SH3KBP1: variants seen among roughly 807,000 people sequenced by gnomAD.
SH3KBP1 encodes SH3 domain-containing kinase-binding protein 1.
A neutral mutation model predicts 50.1 loss-of-function variants in SH3KBP1; 8 were observed. The observed-to-expected ratio is 0.16, with a 90% confidence interval of 0.09 to 0.29. The LOEUF is 0.29. Among genes scored for constraint, SH3KBP1 ranks in the 10% least tolerant of loss-of-function variants. SH3KBP1 has a pLI of 1.00. For missense variants in SH3KBP1, 377 were observed against 535.2 expected (o/e 0.70, Z 2.92); for synonymous variants, 227 against 218.6 (o/e 1.04, Z -0.34).
rs766524428 is a variant in SH3KBP1, at chrX:19,801,779, C to G, written c.162+34346G>C. 2.7e-5 allele frequency among the ~76,000 whole-genome samples: 3 copies of G among 112,146 alleles called. No individual in the cohort carries two copies. In the South Asian group the frequency reaches 1.1e-3, roughly 41 times the overall value. The stretch of plus-strand genomic sequence containing the variant: ...TGTAAATTAGACCTCAAAGCTGTTT[C>G]TAAAACCTTGCCTGGGCCAGGTGCA... On this transcript the variant is annotated intron_variant, in intron 2 of 17. Coordinates refer to ENST00000397821, the MANE Select transcript of SH3KBP1 (RefSeq NM_031892.3).
intron 12 of SH3KBP1, among the ~76,000 whole-genome samples, chrX:19,576,753 C>T (rs142629873): frequency 0.015 from 1,654 of 112,135 alleles, 33 homozygotes; most frequent in African/African-American, 0.05. Context: ...TCACAACCAC[C>T]CCTTGAGGTA....
chrX:19,613,520 T>C (rs2067497788), intron 8 of SH3KBP1, among the ~76,000 whole-genome samples: 1 of 112,588 alleles, frequency 8.9e-6, no homozygotes, highest in African/African-American at 3.2e-5. Flanking sequence ...TTCTGACATA[T>C]CATTTTTACT....
chrX:19,611,197 A>C (rs1569339306), intron 8 of SH3KBP1, among the ~76,000 whole-genome samples: 1 of 111,069 alleles, frequency 9.0e-6, no homozygotes, highest in African/African-American at 3.3e-5. Context: ...CAAACTTTCT[A>C]AACAGTGTAA....
intron 1 of SH3KBP1, among the ~76,000 whole-genome samples, chrX:19,875,356 G>A (rs900201779): frequency 1.8e-5 from 2 of 112,052 alleles, no homozygotes. Flanking sequence ...CTTCCTCAGG[G>A]AGCCTCATAG....
At chrX:19,770,224 C>G (rs939844515) in intron 2 of SH3KBP1, among the ~76,000 whole-genome samples, 18 of 111,312 alleles carry the variant, frequency 1.6e-4, no homozygotes, top group Non-Finnish European at 9.4e-5. Context: ...AGTAGGCCCC[C>G]ATGTCTGTTC....
intron 1 of SH3KBP1, among the ~76,000 whole-genome samples, chrX:19,868,571 C>T (rs372474861): frequency 9.4e-6 from 1 of 106,933 alleles, no homozygotes; most frequent in African/African-American, 3.4e-5. Context: ...TACCCATTAT[C>T]CCCTTCCTCT....
At chrX:19,860,120 C>T in intron 1 of SH3KBP1, among the ~76,000 whole-genome samples, 1 of 109,512 alleles carries the variant, frequency 9.1e-6, no homozygotes, top group East Asian at 2.9e-4. Context: ...TAAAAAGGAA[C>T]AGGCCAGGCA....
chrX:19,600,586 T>C (rs1208746596), intron 9 of SH3KBP1, among the ~76,000 whole-genome samples: 1 of 111,278 alleles, frequency 9.0e-6, no homozygotes, highest in Non-Finnish European at 1.9e-5. Context: ...CCATTGTGAC[T>C]GGATAAAGAA....
rs1330617716 is a variant in SH3KBP1 at position 19,836,193 on chromosome X, C to G, written c.94G>C (p.Glu32Gln). 8.3e-7 allele frequency: 1 copy of G among 1,211,006 alleles called. No individual in the cohort carries two copies. The highest frequency in any genetic ancestry group is 2.2e-5 in the Admixed American group (1 of 46,018). Residue 32 changes from glutamate to glutamine, a missense_variant, in exon 2 of 18, where the codon GAG (glutamate) becomes CAG (glutamine). This residue lies in a region of SH3KBP1 where 257 missense variants were observed against 374.2 expected (regional missense o/e 0.69). Transcript: ENST00000397821. ...TGTCCCTCCCACCAGCCTCCATCCT[C>G]CTTCCTGATGTTGGTGATGATTTCA... ...VGEIITNIRK[E>Q]DGGWWEGQIN...
chrX:19,800,282 A>G (rs2066855763), intron 2 of SH3KBP1, among the ~76,000 whole-genome samples: 2 of 112,390 alleles, frequency 1.8e-5, no homozygotes, highest in Admixed American at 1.9e-4. Context: ...TTGATTTTTT[A>G]TTACATATAA....
intron 12 of SH3KBP1, among the ~76,000 whole-genome samples, chrX:19,585,579 G>A (rs2066539929): frequency 9.0e-6 from 1 of 111,433 alleles, no homozygotes; most frequent in South Asian, 3.8e-4. Flanking sequence ...TCTCAAATCT[G>A]AAGCACGAGC....
At chrX:19,684,278 A>G (rs751736352) in intron 5 of SH3KBP1, among the ~76,000 whole-genome samples, 4 of 111,862 alleles carry the variant, frequency 3.6e-5, no homozygotes, top group Non-Finnish European at 7.5e-5. Context: ...TCCAAAGCAG[A>G]TATCTTTGTA....
chrX:19,836,595 A>G (rs2068063994), intron 1 of SH3KBP1, among the ~76,000 whole-genome samples: 1 of 111,529 alleles, frequency 9.0e-6, no homozygotes, highest in South Asian at 3.8e-4. Flanking sequence ...GGTGTCCAGC[A>G]TTGTCTCCCC....
intron 2 of SH3KBP1, among the ~76,000 whole-genome samples, chrX:19,831,412 C>CA (rs1168426297): frequency 0.13 from 5,945 of 47,243 alleles, 984 homozygotes; most frequent in African/African-American, 0.42. Flanking sequence ...CAACCCATCT[C>CA]AAAAAAAAAA....
At chrX:19,612,420 C>T (rs933695218) in intron 8 of SH3KBP1, among the ~76,000 whole-genome samples, 2 of 111,190 alleles carry the variant, frequency 1.8e-5, no homozygotes, top group South Asian at 3.8e-4. Context: ...CCTGCCACCA[C>T]GCCTGGTTAA....
chrX:19,732,168 C>T (rs1338882857), intron 3 of SH3KBP1, among the ~76,000 whole-genome samples: 1 of 110,969 alleles, frequency 9.0e-6, no homozygotes, highest in African/African-American at 3.3e-5. Context: ...TGTTATGATC[C>T]ATGTATACAT....
intron 13 of SH3KBP1, among the ~76,000 whole-genome samples, chrX:19,568,657 A>G (rs2065918735): frequency 8.9e-6 from 1 of 111,762 alleles, no homozygotes; most frequent in African/African-American, 3.3e-5. Context: ...ACCTTGGGAA[A>G]ACTCACTCAT....
chrX:19,669,854 A>G lies in SH3KBP1; in HGVS notation c.726+13969T>C, dbSNP rs866174808. On this transcript the variant is annotated intron_variant, in intron 6 of 17. Transcript: ENST00000397821. Reference sequence around the variant, plus strand: ...AAGAAGTTCCCCTACTCTTAAAATGATATGTTAAAACAATGTGTTTCCTTT... The same window carrying G: ...AAGAAGTTCCCCTACTCTTAAAATGGTATGTTAAAACAATGTGTTTCCTTT... 4.5e-5 allele frequency among the ~76,000 whole-genome samples: 5 copies of G among 109,990 alleles called. No homozygotes were observed. The South Asian group carries it at 1.1e-3, about 25-fold the overall frequency.
rs1272857514 is a variant in SH3KBP1, at chrX:19,600,112, A to T, written c.1006-5112T>A. ...CTCCGTCTCAAAAAAAAAAAAAAAA[A>T]AAAAAAAATGCAACAGGCCCAGCAC... On this transcript the variant is annotated intron_variant, in intron 9 of 17. Coordinates refer to ENST00000397821, the MANE Select transcript of SH3KBP1 (RefSeq NM_031892.3). 4.7e-5 allele frequency among the ~76,000 whole-genome samples: 5 copies of T among 107,208 alleles called. No individual in the cohort carries two copies. In the East Asian group the frequency reaches 1.2e-3, roughly 25 times the overall value. The allele number at this position is 107,208 out of a possible 115,157, so 93.1% of individuals were successfully genotyped here.
Sources: gnomAD v4.1 joint callset for allele counts (sites outside exome capture counted in the v4.1 genomes callset) on GRCh38, gnomAD v4.1.1 for gene constraint, gnomAD v4.1.1 regional missense constraint, MANE v1.5 for transcripts, NCBI Gene and HGNC (gene_info 2026-07-23, HGNC 2026-07-21) for gene names.